The following NPFFR2 variants were observed in gnomAD, a reference collection of about 807,000 sequenced individuals.
NPFFR2 encodes the protein neuropeptide FF receptor 2, also known as G-protein coupled receptor 74.
NPFFR2 carries 15 observed loss-of-function variants against 13.1 expected under a neutral mutation model. The observed-to-expected ratio is 1.15, with a 90% CI of 0.77 to 1.76. NPFFR2 has a LOEUF of 1.76. NPFFR2 is among the 40% of genes most tolerant of loss of function. The pLI, the probability that NPFFR2 is intolerant of heterozygous loss-of-function variation, is 0.00. For synonymous variants in NPFFR2, 190 were observed against 175.7 expected (o/e 1.08, Z -0.65); for missense variants, 572 against 503.5 (o/e 1.14, Z -1.30).
chr4:72,039,898 G>A (rs1719158966), intron 1 of NPFFR2, among the ~76,000 whole-genome samples: 1 of 152,112 alleles, frequency 6.6e-6, no homozygotes, highest in Admixed American at 6.5e-5. Flanking sequence ...AATAGGTGTT[G>A]TAACTGTTTA....
Position 72,032,118 on chromosome 4 carries a change from A to G in NPFFR2, c.-90A>G. 6.2e-7 allele frequency: 1 copy of G among 1,614,078 alleles called. No homozygotes were observed. Among genetic ancestry groups the G allele is most frequent in the Non-Finnish European group, 8.5e-7 (1 of 1,179,986 alleles). ...CCGGCAGACTGCGAAAAGTAGCTGG[A>G]GCCGGAGCAGGGACAGAACCTGTTG... On this transcript the variant is annotated 5_prime_UTR_variant, in exon 1 of 4. Transcript: ENST00000308744.
chr4:72,142,634 A>G (rs1434440111), intron 3 of NPFFR2, among the ~76,000 whole-genome samples: 2 of 152,222 alleles, frequency 1.3e-5, no homozygotes, highest in East Asian at 3.8e-4. Flanking sequence ...AGAAAATGAA[A>G]CTATTGAATT....
At chr4:72,033,971 T>C (rs1432239893) in intron 1 of NPFFR2, among the ~76,000 whole-genome samples, 1 of 152,204 alleles carries the variant, frequency 6.6e-6, no homozygotes, top group African/African-American at 2.4e-5. Context: ...AATGCCTCTG[T>C]GATAAATATT....
At chr4:72,146,850 A>T (rs1300992692) in intron 3 of NPFFR2, 128 bp from the exon 4 acceptor site, 2 of 667,428 alleles carry the variant, frequency 3.0e-6, no homozygotes, top group Admixed American at 2.5e-5. Flanking sequence ...TCTACTACAA[A>T]TGGTAACTTT....
In NPFFR2 at chr4:72,147,956, A is replaced by AAGG; in HGVS notation, c.*144_*145insAGG. 2 of 595,000 alleles carry AAGG rather than the reference A, an allele frequency of 3.4e-6. No homozygotes were observed. The highest frequency in any genetic ancestry group is 5.9e-5 in the East Asian group (2 of 33,648). 36.9% of individuals were successfully genotyped at this position (595,000 alleles called of 1,614,324 possible). ...GCCCTCTCTGGCAAAAAAATTAAAA[A>AAGG]TAAACAAAAATGGTCATAAGATCAT... On this transcript the variant is annotated 3_prime_UTR_variant, in exon 4 of 4. Coordinates refer to ENST00000308744, the MANE Select transcript of NPFFR2 (RefSeq NM_004885.3).
chr4:72,035,192 C>G (rs972322192), intron 1 of NPFFR2, among the ~76,000 whole-genome samples: 4 of 152,228 alleles, frequency 2.6e-5, no homozygotes, highest in African/African-American at 9.6e-5. Context: ...TCTGTGACAT[C>G]AACACCTCAT....
intron 1 of NPFFR2, among the ~76,000 whole-genome samples, chr4:72,112,566 G>A (rs746578746): frequency 2.8e-4 from 42 of 151,934 alleles, no homozygotes; most frequent in Non-Finnish European, 5.3e-4. Flanking sequence ...AAAGTAGCAC[G>A]TGTTTCATTA....
intron 1 of NPFFR2, among the ~76,000 whole-genome samples, chr4:72,107,741 G>C (rs773995483): frequency 5.8e-4 from 88 of 151,898 alleles, no homozygotes; most frequent in Non-Finnish European, 1.1e-3. Context: ...GTTTTCCTAA[G>C]TGAAACAGTT....
intron 1 of NPFFR2, among the ~76,000 whole-genome samples, chr4:72,055,946 G>A (rs1719731491): frequency 1.3e-5 from 2 of 151,914 alleles, no homozygotes. Flanking sequence ...AGCTAGCAGA[G>A]GTTGGTTCAT....
intron 1 of NPFFR2, among the ~76,000 whole-genome samples, chr4:72,122,184 A>G (rs940807751): frequency 2.0e-5 from 3 of 152,220 alleles, no homozygotes; most frequent in Non-Finnish European, 4.4e-5. Context: ...TAAAGGGATC[A>G]ATGCAACCAG....
chr4:72,070,227 T>C (rs535029064), intron 1 of NPFFR2, among the ~76,000 whole-genome samples: 54 of 152,286 alleles, frequency 3.5e-4, no homozygotes, highest in African/African-American at 1.3e-3. Flanking sequence ...TTCTCATATA[T>C]AGCTCATTGA....
intron 1 of NPFFR2, among the ~76,000 whole-genome samples, chr4:72,077,739 A>G (rs902125522): frequency 6.6e-6 from 1 of 152,104 alleles, no homozygotes; most frequent in Non-Finnish European, 1.5e-5. Context: ...TTTTTAAGGC[A>G]TACTTTTCTT....
intron 1 of NPFFR2, among the ~76,000 whole-genome samples, chr4:72,036,838 T>G (rs1341675221): frequency 1.3e-5 from 2 of 152,052 alleles, no homozygotes; most frequent in African/African-American, 4.8e-5. Context: ...GATGTATATA[T>G]TAGAATTTAC....
In NPFFR2 at chr4:72,127,355, C is replaced by CT. The variant is rs1341571145; in HGVS notation, c.-7-1226dup. On this transcript the variant is annotated intron_variant, in intron 1 of 3. Coordinates refer to ENST00000308744, the MANE Select transcript of NPFFR2 (RefSeq NM_004885.3). ...AAGTCATACAGATTCTAAATAATTT[C>CT]TTTTCTTTTTTTTTTTTTTTTTTTT... Among the ~76,000 whole-genome samples the CT allele has an allele frequency of 6.7e-4, 61 of 91,184 alleles. 5 individuals carry two copies. The highest frequency in any genetic ancestry group is 2.5e-3 in the African/African-American group (55 of 21,704). The allele number at this position is 91,184 out of a possible 152,430, so 59.8% of individuals were successfully genotyped here. A position where few individuals can be genotyped will look rare whatever the true frequency, so the allele number is the denominator to read the frequency against.
In NPFFR2 at chr4:72,147,265, A is replaced by T. The variant is rs772123091; in HGVS notation, c.716A>T (p.Tyr239Phe). 5 of 1,614,124 alleles carry T rather than the reference A, an allele frequency of 3.1e-6. No homozygotes were observed. In the South Asian group the frequency reaches 5.5e-5, roughly 18 times the overall value. The change falls in exon 4 of 4, where the codon TAT becomes TTT. Residue 239 changes from tyrosine to phenylalanine, a missense_variant. By Grantham distance (22) the Tyr-to-Phe change is conservative. Coordinates refer to ENST00000308744, the MANE Select transcript of NPFFR2 (RefSeq NM_004885.3). ...CCCCTCTCCCTCATTGTCATCATGT[A>T]TGGAAGGATTGGAATTTCACTCTTC... ...LAPLSLIVIM[Y>F]GRIGISLFRA...
At position 72,059,855 on chromosome 4, in the gene NPFFR2, G is replaced by A. The variant is rs74954544; in HGVS notation, c.-8+27655G>A. Among the ~76,000 whole-genome samples, 838 of 152,122 alleles carry A rather than the reference G, an allele frequency of 5.5e-3. 1 individual carries two copies. Among genetic ancestry groups the A allele is most frequent in the Middle Eastern group, 0.014 (4 of 294 alleles). On this transcript the variant is annotated intron_variant, in intron 1 of 3. Coordinates refer to ENST00000308744, the MANE Select transcript of NPFFR2 (RefSeq NM_004885.3). Reference sequence around the variant, plus strand: ...TATTATCTGACCTCCGTAAGTCTCCGCTATAACTTGTGGCCCAGAATTAAC... The same window carrying A: ...TATTATCTGACCTCCGTAAGTCTCCACTATAACTTGTGGCCCAGAATTAAC...
chr4:72,128,940 T>C, intron 2 of NPFFR2, 21 bp downstream of exon 2: 1 of 1,542,370 alleles, frequency 6.5e-7, no homozygotes, highest in Non-Finnish European at 8.9e-7. Flanking sequence ...TTTTGTGCAG[T>C]TTGAAGATAA....
chr4:72,142,724 C>G (rs1020258302), intron 3 of NPFFR2, among the ~76,000 whole-genome samples: 1 of 152,132 alleles, frequency 6.6e-6, no homozygotes, highest in Non-Finnish European at 1.5e-5. Context: ...TTTCTAACAG[C>G]AGAAATGCAA....
At chr4:72,050,770 C>G (rs968574271) in intron 1 of NPFFR2, among the ~76,000 whole-genome samples, 2 of 149,104 alleles carry the variant, frequency 1.3e-5, no homozygotes, top group Non-Finnish European at 3.0e-5. Context: ...CACCTCCCCC[C>G]ACCCCACAAC....
Sources: allele counts gnomAD v4.1 joint callset (sites outside exome capture counted in the v4.1 genomes callset), GRCh38; gene constraint gnomAD v4.1.1; transcripts MANE v1.5; gene names NCBI Gene and HGNC (gene_info 2026-07-23, HGNC 2026-07-21).